MTERF3: variants seen among roughly 807,000 people sequenced by gnomAD.
MTERF3 encodes transcription termination factor 3, mitochondrial.
A neutral mutation model predicts 40.5 loss-of-function variants in MTERF3; 40 were observed. The observed-to-expected ratio is 0.99, with a 90% CI of 0.77 to 1.29. The LOEUF is 1.29. Ranked by LOEUF, MTERF3 falls within the 50% of genes most tolerant of loss-of-function variation. The pLI is 0.00. For missense variants in MTERF3, 452 were observed against 478.2 expected, an observed-to-expected ratio of 0.95 and a Z score of 0.51; for synonymous variants, 158 against 166.6, an observed-to-expected ratio of 0.95 and a Z score of 0.40.
chr8:96,239,963 A>T (rs1214779857), intron 7 of MTERF3: 1 of 599,546 alleles, frequency 1.7e-6, no homozygotes, highest in Non-Finnish European at 2.9e-6. Flanking sequence ...AGAATGTGTT[A>T]AAAAAGCAAA....
intron 6 of MTERF3, among the ~76,000 whole-genome samples, chr8:96,244,396 G>A (rs1012311714): frequency 2.0e-5 from 3 of 151,230 alleles, no homozygotes; most frequent in Admixed American, 6.6e-5. Context: ...GAGCCACCGC[G>A]CCTGGCCATG....
chr8:96,250,272 C>G (rs996400876), intron 4 of MTERF3, among the ~76,000 whole-genome samples: 2 of 150,136 alleles, frequency 1.3e-5, no homozygotes, highest in Non-Finnish European at 3.0e-5. Context: ...ACTACAAAAA[C>G]CACAAAAGAT....
chr8:96,253,842 TTAAA>T (rs1302993848), intron 3 of MTERF3, among the ~76,000 whole-genome samples: 2 of 98,500 alleles, frequency 2.0e-5, no homozygotes, highest in Non-Finnish European at 4.4e-5. Context: ...CTCCCTCTAT[TTAAA>T]AAAAAAAAAA....
chr8:96,248,020 A>G lies in MTERF3; in HGVS notation c.678-1566T>C, dbSNP rs6994562. Among the ~76,000 whole-genome samples the G allele has an allele frequency of 6.3e-3, 955 of 152,374 alleles. 6 individuals carry two copies. The highest frequency in any genetic ancestry group is 0.022 in the African/African-American group (907 of 41,586). ...CAACATCTGATGCTCCAACCAACAA[A>G]TAAAGTACTCTTTTTATCTATACAA... On this transcript the variant is annotated intron_variant, in intron 4 of 7. Transcript: ENST00000287025.
chr8:96,243,381 A>G (rs578084965), intron 7 of MTERF3, among the ~76,000 whole-genome samples: 2 of 152,198 alleles, frequency 1.3e-5, no homozygotes, highest in Non-Finnish European at 1.5e-5. Flanking sequence ...GGCACTGAGG[A>G]TTTGGCAGTG....
chr8:96,258,623 G>C lies in MTERF3; in HGVS notation c.68C>G (p.Ala23Gly). The C allele has an allele frequency of 6.2e-7, 1 of 1,614,122 alleles. No individual in the cohort carries two copies. Among genetic ancestry groups the C allele is most frequent in the Non-Finnish European group, 8.5e-7 (1 of 1,179,976 alleles). ...AGTAAAACGTTTTGTGAGTTGTGCAGCATTAATGAGGCTCCTCAACTTAAC... is the reference window on the plus strand; with the variant it reads ...AGTAAAACGTTTTGTGAGTTGTGCACCATTAATGAGGCTCCTCAACTTAAC... ...NSVKLRSLINAAQLTKRFTRP... is the reference protein window; with the variant it reads ...NSVKLRSLINGAQLTKRFTRP... The change falls in exon 2 of 8, where the codon GCT becomes GGT. Residue 23 changes from alanine to glycine, a missense_variant. Physicochemically the swap from Ala to Gly is moderately conservative, Grantham distance 60. Coordinates refer to ENST00000287025, the MANE Select transcript of MTERF3 (RefSeq NM_015942.5).
intron 3 of MTERF3, among the ~76,000 whole-genome samples, chr8:96,254,259 T>C (rs1810242073): frequency 6.6e-6 from 1 of 152,198 alleles, no homozygotes; most frequent in African/African-American, 2.4e-5. Flanking sequence ...ACCTTACATA[T>C]TCATGACTTT....
At chr8:96,251,144 A>T (rs779085416) in intron 3 of MTERF3, 49 bp from the exon 4 acceptor site, 8 of 1,443,014 alleles carry the variant, frequency 5.5e-6, no homozygotes, top group African/African-American at 1.5e-5. Context: ...TAGTTCACCC[A>T]TTAAACTCAT....
At chr8:96,246,790 C>G (rs751659478) in intron 4 of MTERF3, among the ~76,000 whole-genome samples, 13 of 151,570 alleles carry the variant, frequency 8.6e-5, no homozygotes, top group African/African-American at 1.2e-4. Context: ...TTCAATTAAT[C>G]TGGTTTATTA....
chr8:96,250,952 T>C lies in MTERF3; in HGVS notation c.631A>G (p.Lys211Glu), dbSNP rs112357919. The change falls in exon 4 of 8, where the codon AAA becomes GAA. Residue 211 changes from lysine (K) to glutamate (E), a missense_variant. Transcript: ENST00000287025. ...TCTTCAGAGAAAATTGCATGATTTT[T>C]TGTCAGGAATGCTCCCAGTTGGTTA... is the stretch of plus-strand genomic sequence containing the variant. The part of the protein sequence containing the change: ...EDNQLGAFLT[K>E]NHAIFSEDLE... The C allele has an allele frequency of 6.2e-7, 1 of 1,609,060 alleles. No homozygotes were observed. Among genetic ancestry groups the C allele is most frequent in the Admixed American group, 1.7e-5 (1 of 58,638 alleles).
intron 3 of MTERF3, among the ~76,000 whole-genome samples, chr8:96,252,635 T>C (rs1327234132): frequency 6.6e-6 from 1 of 152,196 alleles, no homozygotes; most frequent in East Asian, 1.9e-4. Context: ...TTAAAAATAA[T>C]ATTAGTAGAA....
intron 1 of MTERF3, among the ~76,000 whole-genome samples, chr8:96,259,958 A>G (rs112361171): frequency 0.022 from 3,380 of 151,992 alleles, 115 homozygotes; most frequent in African/African-American, 0.075. Flanking sequence ...AGGCTGGAGT[A>G]CAACGGCACC....
In MTERF3 at chr8:96,257,049, TA is replaced by T. The variant is rs1327634186; in HGVS notation, c.399del (p.Ile134LeufsTer29). The T allele has an allele frequency of 1.2e-6, 2 of 1,614,012 alleles. No homozygotes were observed. The highest frequency in any genetic ancestry group is 1.7e-6 in the Non-Finnish European group (2 of 1,179,914). ...GCTGGTGGCAATGGAGGGTCTGCAA[TA>T]ATCTGAATAGCCTCTTCCTCTGAAA... ...QPISEEEAIQ[I>X]IADPPLPPAS... On this transcript the variant is annotated frameshift_variant, in exon 3 of 8. Transcript: ENST00000287025. LOFTEE classifies it high-confidence loss of function.
At chr8:96,251,356 G>T (rs1227363210) in intron 3 of MTERF3, among the ~76,000 whole-genome samples, 1 of 152,112 alleles carries the variant, frequency 6.6e-6, no homozygotes, top group Non-Finnish European at 1.5e-5. Context: ...AAGTCATATT[G>T]GTGTAGGGTC....
intron 7 of MTERF3, among the ~76,000 whole-genome samples, chr8:96,242,222 C>T (rs1208365687): frequency 6.6e-6 from 1 of 152,090 alleles, no homozygotes; most frequent in Non-Finnish European, 1.5e-5. Flanking sequence ...CCCAATAATT[C>T]CACCTAGACT....
rs1563549008 is a variant in MTERF3 at position 96,250,671 on chromosome 8, GAAGAAGA to G, written c.677+228_677+234del. ...AGAAGAAGAAGAAGAAGAAGAAGAA[GAAGAAGA>G]AGAAGGAGGAGGAGGAGGGGGGGAG... On this transcript the variant is annotated intron_variant, in intron 4 of 7. Coordinates refer to ENST00000287025, the MANE Select transcript of MTERF3 (RefSeq NM_015942.5). Among the ~76,000 whole-genome samples the G allele has an allele frequency of 1.2e-3, 49 of 42,262 alleles. 2 individuals carry two copies. The highest frequency in any genetic ancestry group is 4.1e-3 in the African/African-American group (39 of 9,432). The allele number at this position is 42,262 out of a possible 152,430, so 27.7% of individuals were successfully genotyped here.
At chr8:96,250,405 T>A (rs1167679133) in intron 4 of MTERF3, among the ~76,000 whole-genome samples, 1 of 146,804 alleles carries the variant, frequency 6.8e-6, no homozygotes, top group Non-Finnish European at 1.5e-5. Flanking sequence ...AGTAATAAGT[T>A]GAAAACATAA....
intron 7 of MTERF3, 82 bp from the exon 8 acceptor site, chr8:96,239,767 A>G (rs1809887684): frequency 5.0e-6 from 5 of 1,005,462 alleles, no homozygotes; most frequent in Non-Finnish European, 7.4e-6. Flanking sequence ...AAAAATTTTA[A>G]TAGGTTAACC....
At position 96,258,648 on chromosome 8, in the gene MTERF3, C is replaced by T. The variant is rs766159243; in HGVS notation, c.43G>A (p.Val15Ile). ...GCATTAATGAGGCTCCTCAACTTAACTGAGTTAAACCATCTGGGTATCTGT... is the reference window on the plus strand; with the variant it reads ...GCATTAATGAGGCTCCTCAACTTAATTGAGTTAAACCATCTGGGTATCTGT... ...AQQIPRWFNS[V>I]KLRSLINAAQ... The change falls in exon 2 of 8, where the codon GTT (valine) becomes ATT (isoleucine). Residue 15 changes from valine (V) to isoleucine (I), a missense_variant. Physicochemically the swap from Val to Ile is conservative, Grantham distance 29. Coordinates refer to ENST00000287025, the MANE Select transcript of MTERF3 (RefSeq NM_015942.5). The T allele has an allele frequency of 1.9e-6, 3 of 1,613,142 alleles. No individual in the cohort carries two copies. The highest frequency in any genetic ancestry group is 2.2e-5 in the South Asian group (2 of 91,048).
Sources: allele counts gnomAD v4.1 joint callset (sites outside exome capture counted in the v4.1 genomes callset), GRCh38; gene constraint gnomAD v4.1.1; transcripts MANE v1.5; gene names NCBI Gene and HGNC (gene_info 2026-07-23, HGNC 2026-07-21).